LHFPL6: variants seen among roughly 807,000 people sequenced by gnomAD.
LHFPL6 encodes LHFPL tetraspan subfamily member 6 protein.
A neutral mutation model predicts 20.6 loss-of-function variants in LHFPL6; 9 were observed. The ratio of observed to expected loss-of-function variants is 0.44; its 90% CI spans 0.26 to 0.76. The LOEUF is 0.76. Ranked by LOEUF, LHFPL6 falls within the 30% of genes least tolerant of loss-of-function variation. LHFPL6 has a pLI of 0.20. For missense variants in LHFPL6, 218 were observed against 253.5 expected (o/e 0.86, Z 0.95); for synonymous variants, 105 against 98.7 (o/e 1.06, Z -0.38).
chr13:39,439,402 C>T (rs549415167), intron 2 of LHFPL6, among the ~76,000 whole-genome samples: 3 of 152,198 alleles, frequency 2.0e-5, no homozygotes, highest in East Asian at 1.9e-4. Flanking sequence ...ATAGTTGGAA[C>T]GGACTAGCCT....
intron 2 of LHFPL6, among the ~76,000 whole-genome samples, chr13:39,523,687 A>C (rs1184210447): frequency 1.3e-5 from 2 of 152,200 alleles, no homozygotes; most frequent in Non-Finnish European, 2.9e-5. Flanking sequence ...AGCCTGAGAA[A>C]TCTTAGGTAC....
intron 3 of LHFPL6, among the ~76,000 whole-genome samples, chr13:39,376,508 A>G (rs1210142346): frequency 6.6e-6 from 1 of 152,212 alleles, no homozygotes; most frequent in African/African-American, 2.4e-5. Flanking sequence ...CTACCAGAAG[A>G]GCCAGTATTA....
chr13:39,428,089 G>A (rs908275688), intron 2 of LHFPL6, among the ~76,000 whole-genome samples: 111 of 152,122 alleles, frequency 7.3e-4, no homozygotes, highest in African/African-American at 2.6e-3. Flanking sequence ...TTGGCTCATT[G>A]GAACTATAAG....
chr13:39,509,010 A>T (rs991762447), intron 2 of LHFPL6, among the ~76,000 whole-genome samples: 1 of 152,118 alleles, frequency 6.6e-6, no homozygotes, highest in Non-Finnish European at 1.5e-5. Context: ...TATGCTTCGT[A>T]TGGTTAGTCT....
At chr13:39,595,499 G>C (rs897917572) in intron 2 of LHFPL6, among the ~76,000 whole-genome samples, 4 of 152,104 alleles carry the variant, frequency 2.6e-5, no homozygotes, top group Non-Finnish European at 5.9e-5. Context: ...TGTCATGTTG[G>C]GCAGGCTGGT....
At chr13:39,345,639 A>T (rs1869382349) in intron 3 of LHFPL6, among the ~76,000 whole-genome samples, 1 of 151,870 alleles carries the variant, frequency 6.6e-6, no homozygotes, top group Admixed American at 6.6e-5. Flanking sequence ...AATGACAACC[A>T]GCGTTTGACT....
At chr13:39,394,998 C>T (rs1870807597) in intron 2 of LHFPL6, among the ~76,000 whole-genome samples, 1 of 152,196 alleles carries the variant, frequency 6.6e-6, no homozygotes, top group Non-Finnish European at 1.5e-5. Flanking sequence ...GAGACACCGG[C>T]TTCCCCAATT....
At chr13:39,600,753 C>T in intron 2 of LHFPL6, 79 bp downstream of exon 2, 1 of 1,326,314 alleles carries the variant, frequency 7.5e-7, no homozygotes, top group South Asian at 2.2e-5. Context: ...TTATAATAAT[C>T]TCAGTAGACA....
chr13:39,459,409 T>C (rs781232901), intron 2 of LHFPL6, among the ~76,000 whole-genome samples: 5 of 152,024 alleles, frequency 3.3e-5, no homozygotes, highest in Non-Finnish European at 5.9e-5. Flanking sequence ...CCAACAAACC[T>C]GAGAACATGC....
At chr13:39,543,657 T>C (rs111799483) in intron 2 of LHFPL6, among the ~76,000 whole-genome samples, 35 of 151,520 alleles carry the variant, frequency 2.3e-4, no homozygotes, top group African/African-American at 8.5e-4. Flanking sequence ...GAGAAAAGAG[T>C]ATCTACAAGA....
intron 2 of LHFPL6, among the ~76,000 whole-genome samples, chr13:39,573,336 C>A (rs1593369542): frequency 1.3e-5 from 2 of 151,884 alleles, no homozygotes; most frequent in South Asian, 4.2e-4. Flanking sequence ...TCTTAGCCTT[C>A]GAAAGGAAGG....
At chr13:39,390,889 G>T (rs1258835131) in intron 2 of LHFPL6, among the ~76,000 whole-genome samples, 1 of 151,894 alleles carries the variant, frequency 6.6e-6, no homozygotes, top group Admixed American at 6.6e-5. Flanking sequence ...CCCAGCTTCT[G>T]GGAGGGCTGA....
intron 2 of LHFPL6, among the ~76,000 whole-genome samples, chr13:39,409,577 T>G (rs1871203530): frequency 6.6e-6 from 1 of 152,224 alleles, no homozygotes; most frequent in South Asian, 2.1e-4. Context: ...TTTCAGGGAC[T>G]TATATGTCTC....
chr13:39,376,912 A>T (rs765671115), intron 3 of LHFPL6, among the ~76,000 whole-genome samples: 1 of 152,162 alleles, frequency 6.6e-6, no homozygotes, highest in Non-Finnish European at 1.5e-5. Context: ...CATTTGAGAA[A>T]GCAGCAGAAG....
At chr13:39,528,937 T>C (rs1241990112) in intron 2 of LHFPL6, among the ~76,000 whole-genome samples, 1 of 152,170 alleles carries the variant, frequency 6.6e-6, no homozygotes, top group African/African-American at 2.4e-5. Flanking sequence ...AATTACTCTA[T>C]CTTGTCAAAA....
intron 2 of LHFPL6, among the ~76,000 whole-genome samples, chr13:39,411,698 A>C (rs1187331422): frequency 1.3e-5 from 2 of 152,190 alleles, no homozygotes; most frequent in Non-Finnish European, 1.5e-5. Flanking sequence ...TCTGTGTGGG[A>C]ATGTTATGAG....
Position 39,600,956 on chromosome 13 carries a change from T to C in LHFPL6, c.261A>G (p.Ile87Met), listed in dbSNP as rs1872921947. 6.2e-7 allele frequency: 1 copy of C among 1,611,976 alleles called. No homozygotes were observed. ...IPSAEWRICT[I>M]VTGLGCGLLL... is the part of the protein sequence containing the mutation. ...GGAGGCCACAACCCAGGCCGGTCAC[T>C]ATGGTGCAGATCCTCCATTCTGCGC... Residue 87 changes from isoleucine (I) to methionine (M), a missense_variant, in exon 2 of 4, where the codon ATA (isoleucine) becomes ATG (methionine). By Grantham distance (10) the Ile-to-Met change is conservative. Transcript: ENST00000379589.
At chr13:39,347,163 TC>T (rs1869428465) in intron 3 of LHFPL6, among the ~76,000 whole-genome samples, 1 of 151,252 alleles carries the variant, frequency 6.6e-6, no homozygotes, top group Admixed American at 6.6e-5. Context: ...GGCTTAAATG[TC>T]TGCTGACCTC....
chr13:39,590,521 C>T (rs944320301), intron 2 of LHFPL6, among the ~76,000 whole-genome samples: 1 of 152,160 alleles, frequency 6.6e-6, no homozygotes, highest in Non-Finnish European at 1.5e-5. Flanking sequence ...ATTCTTGTGA[C>T]ATCCAAGAAT....
Sources: allele counts gnomAD v4.1 joint callset (sites outside exome capture counted in the v4.1 genomes callset), GRCh38; gene constraint gnomAD v4.1.1; transcripts MANE v1.5; gene names NCBI Gene and HGNC (gene_info 2026-07-23, HGNC 2026-07-21).